MCF2: variants seen among roughly 807,000 people sequenced by gnomAD.
The protein encoded by MCF2 is MCF.2 cell line derived transforming sequence, also known as proto-oncogene DBL.
MCF2 carries 44 observed loss-of-function variants against 82.5 expected under a neutral mutation model. The ratio of observed to expected loss-of-function variants is 0.53; its 90% CI spans 0.42 to 0.69. The LOEUF (loss-of-function observed/expected upper bound fraction) is 0.69, where lower values mean the gene tolerates loss of function less well. Ranked by LOEUF, MCF2 falls within the 30% of genes least tolerant of loss-of-function variation. The pLI, the probability that MCF2 is intolerant of heterozygous loss-of-function variation, is 0.00. For missense variants in MCF2, 623 were observed against 663.1 expected (o/e 0.94, Z 0.66); for synonymous variants, 217 against 224.9 (o/e 0.96, Z 0.32).
chrX:139,585,097 T>C (rs756152094), exon 24 of MCF2: 3 of 1,202,504 alleles, frequency 2.5e-6, no homozygotes, highest in African/African-American at 3.5e-5. Flanking sequence ...TTCATTTTCA[T>C]CATAAGTAGG....
chrX:139,660,671 G>T (rs929768636), intron 1 of MCF2, among the ~76,000 whole-genome samples: 5 of 112,426 alleles, frequency 4.4e-5, no homozygotes, highest in Non-Finnish European at 9.4e-5. Flanking sequence ...ATTCCCATTG[G>T]ACTACAGTAA....
At chrX:139,699,882 A>G (rs891022130) in intron 1 of MCF2, among the ~76,000 whole-genome samples, 1 of 112,264 alleles carries the variant, frequency 8.9e-6, no homozygotes, top group South Asian at 3.7e-4. Flanking sequence ...CACAGAGAAT[A>G]TCCTGTATTA....
chrX:139,591,598 C>T (rs1929523254), intron 19 of MCF2, among the ~76,000 whole-genome samples: 2 of 110,969 alleles, frequency 1.8e-5, no homozygotes, highest in African/African-American at 6.5e-5. Context: ...AAGCAGCCAA[C>T]TTAAAATATA....
chrX:139,685,333 C>T (rs930535172), intron 1 of MCF2, among the ~76,000 whole-genome samples: 2 of 110,921 alleles, frequency 1.8e-5, no homozygotes, highest in East Asian at 2.9e-4. Flanking sequence ...AAGAAATCCA[C>T]AAGCAGACAG....
At chrX:139,669,753 T>C (rs988240104) in intron 1 of MCF2, among the ~76,000 whole-genome samples, 1 of 112,000 alleles carries the variant, frequency 8.9e-6, no homozygotes, top group African/African-American at 3.2e-5. Flanking sequence ...ACAACATGGA[T>C]GAATCCTGAA....
intron 1 of MCF2, among the ~76,000 whole-genome samples, chrX:139,662,294 C>T (rs1159533608): frequency 6.3e-5 from 7 of 111,446 alleles, no homozygotes; most frequent in Non-Finnish European, 1.1e-4. Flanking sequence ...AATTGATATA[C>T]AGATTGAAAA....
chrX:139,611,457 G>T (rs1569356429), intron 10 of MCF2, among the ~76,000 whole-genome samples: 1 of 112,008 alleles, frequency 8.9e-6, no homozygotes, highest in Non-Finnish European at 1.9e-5. Flanking sequence ...TATTTTTAAA[G>T]GTAACTTAAG....
chrX:139,699,292 T>C (rs1935440024), intron 1 of MCF2, among the ~76,000 whole-genome samples: 1 of 112,298 alleles, frequency 8.9e-6, no homozygotes, highest in Non-Finnish European at 1.9e-5. Flanking sequence ...AATTACTGTA[T>C]CAATTTTAAG....
intron 6 of MCF2, among the ~76,000 whole-genome samples, chrX:139,624,734 C>A (rs1417986391): frequency 1.8e-5 from 2 of 110,281 alleles, no homozygotes; most frequent in Non-Finnish European, 3.8e-5. Context: ...ATTGAAATAC[C>A]AATGGTAGAT....
chrX:139,621,221 G>A (rs1344228041), intron 6 of MCF2, among the ~76,000 whole-genome samples: 5 of 111,634 alleles, frequency 4.5e-5, no homozygotes, highest in African/African-American at 1.3e-4. Context: ...AGATCTAAAT[G>A]CAAGACCTCA....
chrX:139,605,951 C>CTA (rs368129525), intron 12 of MCF2, among the ~76,000 whole-genome samples, 172 bp from the exon 17 acceptor site: 61 of 103,905 alleles, frequency 5.9e-4, no homozygotes, highest in East Asian at 4.4e-3. Context: ...AGAATAAAAA[C>CTA]TATATATATA....
In MCF2 at chrX:139,602,316, C is replaced by T. The variant is rs188227301; in HGVS notation, c.1836+90G>A. ...CTCATATACGTATATGCACATGTAA[C>T]GTACTTAAAGTAGAAAATGAATTTA... On this transcript the variant is annotated intron_variant, in intron 16 of 24. Coordinates refer to ENST00000370576, the Ensembl canonical transcript of MCF2. 7.5e-5 allele frequency: 54 copies of T among 715,488 alleles called. No individual in the cohort carries two copies. The Admixed American group carries it at 8.1e-4, about 11-fold the overall frequency. 59.0% of individuals were successfully genotyped at this position (715,488 alleles called of 1,213,427 possible).
chrX:139,656,223 G>A (rs1250204098), intron 1 of MCF2, among the ~76,000 whole-genome samples: 1 of 111,253 alleles, frequency 9.0e-6, no homozygotes, highest in African/African-American at 3.3e-5. Context: ...CACCATACCT[G>A]GCTAATTTTT....
chrX:139,624,539 A>G (rs1390634765), intron 6 of MCF2, among the ~76,000 whole-genome samples: 2 of 110,101 alleles, frequency 1.8e-5, no homozygotes, highest in East Asian at 2.9e-4. Flanking sequence ...CTCAAAAAAA[A>G]AAAAAAAGGA....
chrX:139,606,779 A>C (rs959202372), intron 12 of MCF2, among the ~76,000 whole-genome samples: 2 of 111,451 alleles, frequency 1.8e-5, no homozygotes, highest in African/African-American at 6.5e-5. Flanking sequence ...TAAGTAACCC[A>C]TTTGATTTAA....
chrX:139,640,586 C>T (rs1464675550), intron 1 of MCF2, among the ~76,000 whole-genome samples: 1 of 111,323 alleles, frequency 9.0e-6, no homozygotes, highest in Non-Finnish European at 1.9e-5. Context: ...CTAGTTCAAA[C>T]ATTTTTTTGG....
chrX:139,696,492 C>T (rs1935387765), intron 1 of MCF2, among the ~76,000 whole-genome samples: 1 of 111,246 alleles, frequency 9.0e-6, no homozygotes. Context: ...GGCGCAATCT[C>T]AGCTCACTGC....
At chrX:139,587,864 C>G (rs1929120791) in intron 21 of MCF2, 76 bp from the exon 26 acceptor site, 1 of 562,086 alleles carries the variant, frequency 1.8e-6, no homozygotes, top group Non-Finnish European at 3.0e-6. Context: ...GACTTTCTCT[C>G]TCTCACACAC....
chrX:139,673,032 G>C (rs1056092968), intron 1 of MCF2, among the ~76,000 whole-genome samples: 2 of 111,637 alleles, frequency 1.8e-5, no homozygotes. Context: ...GTTCTTCCTG[G>C]TTTAGTCTTG....
Sources: gnomAD v4.1 joint callset for allele counts (sites outside exome capture counted in the v4.1 genomes callset) on GRCh38, gnomAD v4.1.1 for gene constraint, MANE v1.5 for transcripts, NCBI Gene and HGNC (gene_info 2026-07-23, HGNC 2026-07-21) for gene names.